The following FANCC variants were observed in gnomAD, a reference collection of about 807,000 sequenced individuals.
FANCC encodes FA complementation group C, also known as Fanconi anemia group C protein.
In FANCC, 55 loss-of-function variants were observed where a neutral mutation model predicts 71.3. That is an observed-to-expected ratio of 0.77 (90% CI 0.62 to 0.97). The LOEUF (loss-of-function observed/expected upper bound fraction) is 0.97. Ranked by LOEUF, FANCC falls within the 50% of genes least tolerant of loss-of-function variation. The pLI, the probability that FANCC is intolerant of heterozygous loss-of-function variation, is 0.00. For missense variants in FANCC, 678 were observed against 670.9 expected (o/e 1.01, Z -0.12); for synonymous variants, 275 against 244.9 (o/e 1.12, Z -1.15).
At position 95,194,973 on chromosome 9, in the gene FANCC, A is replaced by C. The variant is rs545306008; in HGVS notation, c.346-22826T>G. ...CCAGCACTTTGGGAGGCTGAGGCAG[A>C]CAGATCACGAGGTCAGGAGATGGAG... On this transcript the variant is annotated intron_variant, in intron 4 of 14. Transcript: ENST00000289081. 2.6e-5 allele frequency among the ~76,000 whole-genome samples: 4 copies of C among 152,010 alleles called. No homozygotes were observed. The South Asian group carries it at 8.3e-4, about 32-fold the overall frequency.
At chr9:95,170,989 C>A in intron 6 of FANCC, 90 bp downstream of exon 6, 1 of 910,852 alleles carries the variant, frequency 1.1e-6, no homozygotes. Context: ...AACTGAACAT[C>A]CATTTCCTAT....
chr9:95,289,316 T>C lies in FANCC; in HGVS notation c.-79+28210A>G, dbSNP rs185915920. On this transcript the variant is annotated intron_variant, in intron 1 of 14. Coordinates refer to ENST00000289081, the MANE Select transcript of FANCC (RefSeq NM_000136.3). ...TGTCTGTCTCCTGCCAGTAACAGTA[T>C]ATATAAATTAACAGGTATGATTTTT... is the stretch of plus-strand genomic sequence containing the variant. Among the ~76,000 whole-genome samples, 3 of 152,318 alleles carry C rather than the reference T, an allele frequency of 2.0e-5. No individual in the cohort carries two copies. In the East Asian group the frequency reaches 5.8e-4, roughly 29 times the overall value.
chr9:95,284,227 C>A (rs936158939), intron 1 of FANCC, among the ~76,000 whole-genome samples: 1 of 152,164 alleles, frequency 6.6e-6, no homozygotes, highest in South Asian at 2.1e-4. Flanking sequence ...ATGTCCTGAA[C>A]GGGCTGTGCA....
intron 1 of FANCC, among the ~76,000 whole-genome samples, chr9:95,263,195 A>G (rs1471539292): frequency 2.0e-5 from 3 of 152,166 alleles, no homozygotes. Context: ...CCTGGAGAAC[A>G]TGCTGCATCC....
chr9:95,136,939 T>C (rs763031840), intron 7 of FANCC, among the ~76,000 whole-genome samples: 4 of 152,158 alleles, frequency 2.6e-5, no homozygotes, highest in Non-Finnish European at 4.4e-5. Context: ...TGGGATACAG[T>C]AGAGCTGCCC....
intron 7 of FANCC, among the ~76,000 whole-genome samples, chr9:95,147,413 G>A (rs1305204690): frequency 6.6e-6 from 1 of 152,200 alleles, no homozygotes; most frequent in East Asian, 1.9e-4. Flanking sequence ...CTACTCGGGA[G>A]GCTGAGGCAG....
chr9:95,145,726 G>C (rs1161497034), intron 7 of FANCC, among the ~76,000 whole-genome samples: 1 of 152,098 alleles, frequency 6.6e-6, no homozygotes, highest in Admixed American at 6.5e-5. Context: ...AACAAAACAG[G>C]CCTGACTATG....
chr9:95,183,139 G>A (rs553205240), intron 4 of FANCC, among the ~76,000 whole-genome samples: 56 of 151,812 alleles, frequency 3.7e-4, no homozygotes, highest in Non-Finnish European at 4.6e-4. Flanking sequence ...CAACCTCCCC[G>A]CCCCCATCTC....
At chr9:95,258,322 A>G (rs1831798713) in intron 1 of FANCC, among the ~76,000 whole-genome samples, 2 of 152,206 alleles carry the variant, frequency 1.3e-5, no homozygotes, top group Non-Finnish European at 2.9e-5. Context: ...CCAGCAACAC[A>G]TCAAAAAGCT....
chr9:95,194,017 A>G (rs1344733976), intron 4 of FANCC, among the ~76,000 whole-genome samples: 1 of 152,166 alleles, frequency 6.6e-6, no homozygotes, highest in Non-Finnish European at 1.5e-5. Context: ...CACCAGTACC[A>G]TTAGTGACCC....
At chr9:95,112,384 A>G (rs750045044) in intron 12 of FANCC, among the ~76,000 whole-genome samples, 49 of 152,262 alleles carry the variant, frequency 3.2e-4, no homozygotes, top group Non-Finnish European at 4.4e-4. Context: ...ATCTTCCTGC[A>G]TGTTCCTCTG....
chr9:95,181,181 G>A (rs868356145), intron 4 of FANCC, among the ~76,000 whole-genome samples: 1 of 104,856 alleles, frequency 9.5e-6, no homozygotes, highest in East Asian at 3.3e-4. Context: ...GTGTGTGTGT[G>A]TGTGTGTGTA....
At chr9:95,301,391 G>T (rs1248902864) in intron 1 of FANCC, among the ~76,000 whole-genome samples, 2 of 151,980 alleles carry the variant, frequency 1.3e-5, no homozygotes, top group Non-Finnish European at 2.9e-5. Flanking sequence ...AATAAGTGCT[G>T]GTGCTATGAG....
At chr9:95,186,950 C>T (rs1315857911) in intron 4 of FANCC, among the ~76,000 whole-genome samples, 1 of 152,216 alleles carries the variant, frequency 6.6e-6, no homozygotes, top group East Asian at 1.9e-4. Context: ...CGCCACCACG[C>T]CTGGCTAATT....
intron 6 of FANCC, among the ~76,000 whole-genome samples, chr9:95,167,854 T>G (rs1392584128): frequency 6.6e-6 from 1 of 152,204 alleles, no homozygotes; most frequent in Non-Finnish European, 1.5e-5. Context: ...TTTCATCCCT[T>G]GATTATGCCA....
At position 95,101,135 on chromosome 9, in the gene FANCC, T is replaced by C. The variant is rs943332045; in HGVS notation, c.*572A>G. ...GAAAGAGTGTGCCGGAGGCCCGGGC[T>C]TGGGTGTGCTGTCTGCTCCTGTGGC... is the stretch of plus-strand genomic sequence containing the variant. On this transcript the variant is annotated 3_prime_UTR_variant, in exon 15 of 15. Transcript: ENST00000289081. 4.1e-6 allele frequency: 1 copy of C among 241,864 alleles called. No individual in the cohort carries two copies. Among genetic ancestry groups the C allele is most frequent in the Non-Finnish European group, 8.2e-6 (1 of 122,536 alleles). 15.0% of individuals were successfully genotyped at this position (241,864 alleles called of 1,614,324 possible). A position where few individuals can be genotyped will look rare whatever the true frequency, so the allele number is the denominator to read the frequency against.
chr9:95,196,087 C>A (rs1827437613), intron 4 of FANCC, among the ~76,000 whole-genome samples: 1 of 152,142 alleles, frequency 6.6e-6, no homozygotes, highest in Non-Finnish European at 1.5e-5. Context: ...TCTTCCTTTA[C>A]AATATGCAGG....
chr9:95,315,649 A>G (rs558548393), intron 1 of FANCC, among the ~76,000 whole-genome samples: 2 of 152,356 alleles, frequency 1.3e-5, no homozygotes, highest in East Asian at 3.9e-4. Context: ...CACAAACAAG[A>G]CAGAGAATGC....
At chr9:95,166,297 C>T (rs143078942) in intron 6 of FANCC, among the ~76,000 whole-genome samples, 243 of 152,080 alleles carry the variant, frequency 1.6e-3, no homozygotes, top group African/African-American at 5.5e-3. Context: ...ATTCTGTTCA[C>T]GATTTTCTCT....
Sources: gnomAD v4.1 joint callset for allele counts (sites outside exome capture counted in the v4.1 genomes callset) on GRCh38, gnomAD v4.1.1 for gene constraint, MANE v1.5 for transcripts, NCBI Gene and HGNC (gene_info 2026-07-23, HGNC 2026-07-21) for gene names.